The following FAM149A variants were observed in gnomAD, a reference collection of about 807,000 sequenced individuals.
The protein encoded by FAM149A is protein FAM149A.
Under a neutral mutation model 78.2 loss-of-function variants are expected in FAM149A, and 71 were observed. The observed-to-expected ratio is 0.91, with a 90% CI of 0.75 to 1.11. The LOEUF is 1.11. Ranked by LOEUF, FAM149A falls within the 50% of genes least tolerant of loss-of-function variation. FAM149A has a pLI of 0.00. For missense variants in FAM149A, 1,036 were observed against 971.0 expected (o/e 1.07, Z -0.89); for synonymous variants, 446 against 410.5 (o/e 1.09, Z -1.04).
In FAM149A at chr4:186,171,977, T is replaced by C; in HGVS notation, c.2282T>C (p.Val761Ala). 3.7e-6 allele frequency: 6 copies of C among 1,612,162 alleles called. No individual in the cohort carries two copies. The highest frequency in any genetic ancestry group is 5.1e-6 in the Non-Finnish European group (6 of 1,179,036). The change falls in exon 14 of 14, where the codon GTG becomes GCG. Residue 761 changes from valine to alanine, a missense_variant. Physicochemically the swap from Val to Ala is moderately conservative, Grantham distance 64. This residue lies in a region of FAM149A where 716 missense variants were observed against 711.8 expected (regional missense o/e 1.01). Coordinates refer to ENST00000389354, the MANE Select transcript of FAM149A (RefSeq NM_001367768.3). ...TTGACTTTCAAGAGGAGATTCCAAG[T>C]GACATCTTGAAACCACCTCACCAGA...
At chr4:186,136,014 G>A (rs984731174) in intron 1 of FAM149A, among the ~76,000 whole-genome samples, 4 of 152,202 alleles carry the variant, frequency 2.6e-5, no homozygotes, top group Non-Finnish European at 4.4e-5. Flanking sequence ...TGCAGAGGGT[G>A]AACCAGAGAA....
At position 186,106,532 on chromosome 4, in the gene FAM149A, A is replaced by G. The variant is rs2099308822; in HGVS notation, c.566+890A>G. 3.9e-5 allele frequency among the ~76,000 whole-genome samples: 6 copies of G among 152,280 alleles called. No homozygotes were observed. The South Asian group carries it at 1.2e-3, about 32-fold the overall frequency. On this transcript the variant is annotated intron_variant, in intron 1 of 13. Coordinates refer to ENST00000389354, the MANE Select transcript of FAM149A (RefSeq NM_001367768.3). ...GACTGAGGTTTCTGCATTGTAATCT[A>G]GTGAGGCCATTCCCTACTCCCTCCA...
intron 1 of FAM149A, chr4:186,125,836 G>A (rs1054747654): frequency 6.1e-6 from 6 of 985,418 alleles, no homozygotes; most frequent in Non-Finnish European, 7.2e-6. Context: ...GAAATACGAG[G>A]TAGGGATGAG....
Position 186,105,263 on chromosome 4 carries a change from C to A in FAM149A, c.187C>A (p.Pro63Thr). Residue 63 changes from proline (P) to threonine (T), a missense_variant, in exon 1 of 14, where the codon CCC becomes ACC. This residue lies in a region of FAM149A where 316 missense variants were observed against 241.9 expected (regional missense o/e 1.31). Transcript: ENST00000389354. ...CCTCCGCGCCCTGGCTCCGGACTCC[C>A]CCTCCGCCTCGCGGCGGTCGCCCGC... 1 of 1,204,782 alleles carries A rather than the reference C, an allele frequency of 8.3e-7. No homozygotes were observed. The highest frequency in any genetic ancestry group is 1.0e-6 in the Non-Finnish European group (1 of 954,700). 74.6% of individuals were successfully genotyped at this position (1,204,782 alleles called of 1,614,324 possible).
intron 9 of FAM149A, 145 bp downstream of exon 9, chr4:186,163,093 G>A: frequency 1.6e-6 from 1 of 637,800 alleles, no homozygotes; most frequent in African/African-American, 1.8e-5. Flanking sequence ...TGGAAGAGCA[G>A]AAACAGACCC....
intron 6 of FAM149A, chr4:186,155,061 C>A (rs1479401354): frequency 2.6e-6 from 1 of 383,444 alleles, no homozygotes; most frequent in African/African-American, 2.2e-5. Flanking sequence ...CTCCCGGGTT[C>A]ACGCCATTCT....
Position 186,175,216 on chromosome 4 carries a change from TTTA to T in FAM149A, c.*3234_*3236del, listed in dbSNP as rs1459178715. On this transcript the variant is annotated 3_prime_UTR_variant, in exon 14 of 14. Coordinates refer to ENST00000389354, the MANE Select transcript of FAM149A (RefSeq NM_001367768.3). ...ATTTGGATATTATATTTTTTATTGTTTTATTATAACTACAGATCATTGTGTAGG... is the reference window on the plus strand; with the variant it reads ...ATTTGGATATTATATTTTTTATTGTTTTATAACTACAGATCATTGTGTAGG... Among the ~76,000 whole-genome samples the T allele has an allele frequency of 8.9e-6, 1 of 112,112 alleles. No individual in the cohort carries two copies. The highest frequency in any genetic ancestry group is 2.3e-5 in the Non-Finnish European group (1 of 44,358). 73.5% of individuals were successfully genotyped at this position (112,112 alleles called of 152,430 possible).
chr4:186,165,422 C>T lies in FAM149A; in HGVS notation c.1968C>T (p.Thr656=). The T allele has an allele frequency of 6.2e-7, 1 of 1,614,074 alleles. No individual in the cohort carries two copies. The highest frequency in any genetic ancestry group is 8.5e-7 in the Non-Finnish European group (1 of 1,179,928). The change falls in exon 11 of 14, where the codon ACC becomes ACT. Residue 656 remains threonine (T), a synonymous_variant. Transcript: ENST00000389354. ...GGTTCCCCCCGCTAGTCACGGAGAC[C>T]AGGGGGCAGAATACAGCAGTTCCTG...
At chr4:186,158,270 G>A (rs1045762540) in intron 8 of FAM149A, 18 of 1,230,886 alleles carry the variant, frequency 1.5e-5, no homozygotes, top group Middle Eastern at 3.6e-4. Flanking sequence ...GGTCCCAGGC[G>A]ACCACCAGCC....
intron 1 of FAM149A, chr4:186,145,039 C>T (rs1291481961): frequency 1.0e-6 from 1 of 981,918 alleles, no homozygotes; most frequent in Non-Finnish European, 1.2e-6. Context: ...GTGCCTCTGC[C>T]TGACGGTGCC....
chr4:186,158,421 A>C, intron 8 of FAM149A: 1 of 1,177,064 alleles, frequency 8.5e-7, no homozygotes, highest in South Asian at 1.8e-5. Flanking sequence ...TGGCTCAGGG[A>C]GTTCTGGGCA....
intron 1 of FAM149A, among the ~76,000 whole-genome samples, chr4:186,148,784 G>A (rs958245819): frequency 6.6e-6 from 1 of 152,102 alleles, no homozygotes; most frequent in African/African-American, 2.4e-5. Flanking sequence ...GTTGGGTTTT[G>A]TAAGTAAGTC....
intron 1 of FAM149A, among the ~76,000 whole-genome samples, chr4:186,124,508 G>A (rs1261641872): frequency 6.6e-6 from 1 of 150,400 alleles, no homozygotes; most frequent in African/African-American, 2.4e-5. Context: ...GTGAGAACAT[G>A]TGGTGTTTGG....
At chr4:186,121,733 C>T (rs536360646) in intron 1 of FAM149A, among the ~76,000 whole-genome samples, 1 of 152,330 alleles carries the variant, frequency 6.6e-6, no homozygotes, top group East Asian at 1.9e-4. Context: ...GTGGTGCTGC[C>T]ATCCTACACC....
Position 186,162,846 on chromosome 4 carries a change from T to C in FAM149A, c.1577T>C (p.Ile526Thr). 2 of 1,133,650 alleles carry C rather than the reference T, an allele frequency of 1.8e-6. No homozygotes were observed. The highest frequency in any genetic ancestry group is 2.6e-6 in the Non-Finnish European group (2 of 764,848). 70.2% of individuals were successfully genotyped at this position (1,133,650 alleles called of 1,614,324 possible). Residue 526 changes from isoleucine (I) to threonine (T), a missense_variant and splice_region_variant, in exon 9 of 14, where the codon ATT becomes ACT. Physicochemically the swap from Ile to Thr is moderately conservative, Grantham distance 89. Around this residue, in one of 3 missense-constraint regions of FAM149A, gnomAD observed 716 missense variants for 711.8 expected, o/e 1.01. Coordinates refer to ENST00000389354, the MANE Select transcript of FAM149A (RefSeq NM_001367768.3). The stretch of plus-strand genomic sequence containing the variant: ...TTTTTTTTTTTTTACTGTTCTCAGA[T>C]TCATCACTTCTCCAGCAGTTTTTAT...
intron 1 of FAM149A, among the ~76,000 whole-genome samples, chr4:186,136,936 A>ATCTCTCTCTCTCTCTCTCTCTTTCTC (rs2099323016): frequency 2.3e-5 from 2 of 88,166 alleles, no homozygotes; most frequent in African/African-American, 5.0e-5. Context: ...ACACTGATTG[A>ATCTCTCTCTCTCTCTCTCTCTTTCTC]TCTCTCTCTC....
intron 1 of FAM149A, among the ~76,000 whole-genome samples, chr4:186,121,459 T>C (rs1324672587): frequency 2.0e-5 from 3 of 152,232 alleles, no homozygotes; most frequent in African/African-American, 7.2e-5. Flanking sequence ...CTATAAAATA[T>C]AGTTAAAATA....
intron 8 of FAM149A, chr4:186,158,345 G>T: frequency 8.3e-7 from 1 of 1,207,406 alleles, no homozygotes; most frequent in African/African-American, 1.6e-5. Flanking sequence ...TCTCCTCTGT[G>T]CTGTGTGGAA....
Position 186,104,747 on chromosome 4 carries a change from C to A in FAM149A, c.-330C>A, listed in dbSNP as rs915567559. ...GTGTGTTGAACGTAGCAACCGCGGG[C>A]GGCGGGCGGCGGGCGGCGGGCGTCT... On this transcript the variant is annotated 5_prime_UTR_variant, in exon 1 of 14. Transcript: ENST00000389354. 2.2e-5 allele frequency among the ~76,000 whole-genome samples: 1 copy of A among 46,284 alleles called. No homozygotes were observed. The highest frequency in any genetic ancestry group is 7.0e-5 in the Non-Finnish European group (1 of 14,276). 30.4% of individuals were successfully genotyped at this position (46,284 alleles called of 152,430 possible). A position where few individuals can be genotyped will look rare whatever the true frequency, so the allele number is the denominator to read the frequency against.
Sources: allele counts gnomAD v4.1 joint callset (sites outside exome capture counted in the v4.1 genomes callset), GRCh38; gene constraint gnomAD v4.1.1; regional missense constraint gnomAD v4.1.1; transcripts MANE v1.5; gene names NCBI Gene and HGNC (gene_info 2026-07-23, HGNC 2026-07-21).